Variants in OSBPL11 observed in about 807,000 individuals in gnomAD.
OSBPL11 encodes oxysterol binding protein like 11.
Under a neutral mutation model 84.4 loss-of-function variants are expected in OSBPL11, and 33 were observed. The ratio of observed to expected loss-of-function variants is 0.39; its 90% CI spans 0.30 to 0.52. The LOEUF is 0.52. Among genes scored for constraint, OSBPL11 ranks in the 20% least tolerant of loss-of-function variants. OSBPL11 has a pLI of 0.72. For synonymous variants in OSBPL11, 276 were observed against 310.2 expected, an observed-to-expected ratio of 0.89 and a Z score of 1.16; for missense variants, 736 against 901.1, an observed-to-expected ratio of 0.82 and a Z score of 2.35.
rs375600104 is a variant in OSBPL11, at chr3:125,552,630, T to C, written c.1205A>G (p.Tyr402Cys). 6.2e-7 allele frequency: 1 copy of C among 1,613,958 alleles called. No individual in the cohort carries two copies. The highest frequency in any genetic ancestry group is 8.5e-7 in the Non-Finnish European group (1 of 1,179,898). The change falls in exon 9 of 13, where the codon TAT (tyrosine) becomes TGT (cysteine). Residue 402 changes from tyrosine (Y) to cysteine (C), a missense_variant. This residue lies in a region of OSBPL11 where 579 missense variants were observed against 717.6 expected (regional missense o/e 0.81). Transcript: ENST00000296220. Reference protein sequence around the residue: ...ILEKRSLLEMYADFMSHPDLF... With the variant: ...ILEKRSLLEMCADFMSHPDLF... ...GTCTGGATGAGACATAAAGTCTGCATACATTTCCAGCAAGGAACGCTTCTC... is the reference window on the plus strand; with the variant it reads ...GTCTGGATGAGACATAAAGTCTGCACACATTTCCAGCAAGGAACGCTTCTC...
chr3:125,588,201 G>A (rs1272468128), intron 1 of OSBPL11, among the ~76,000 whole-genome samples: 4 of 144,812 alleles, frequency 2.8e-5, no homozygotes, highest in East Asian at 2.0e-4. Flanking sequence ...CAGGCTGGGC[G>A]TCAGAGTAAG....
Position 125,551,671 on chromosome 3 carries a change from G to GT in OSBPL11, c.1654+509dup, listed in dbSNP as rs199985926. Among the ~76,000 whole-genome samples, 1,323 of 152,112 alleles carry GT rather than the reference G, an allele frequency of 8.7e-3. 17 individuals are homozygous for GT. The highest frequency in any genetic ancestry group is 0.03 in the African/African-American group (1,238 of 41,506). Reference sequence around the variant, plus strand: ...GCAGGCGCCATAATCCCAGCTACTCGTGAGTCTGAGGCAGGAGAATCGCTT... The same window carrying GT: ...GCAGGCGCCATAATCCCAGCTACTCGTTGAGTCTGAGGCAGGAGAATCGCTT... On this transcript the variant is annotated intron_variant, in intron 9 of 12. Transcript: ENST00000296220.
At position 125,570,375 on chromosome 3, in the gene OSBPL11, T is replaced by C. The variant is rs143979764; in HGVS notation, c.667-2780A>G. Among the ~76,000 whole-genome samples the C allele has an allele frequency of 5.4e-5, 8 of 147,466 alleles. No homozygotes were observed. In the East Asian group the frequency reaches 1.4e-3, roughly 26 times the overall value. ...GAAAGAAAAAAGAAAAAATAAGCTG[T>C]GTGTGGTGGTGTGTGCCTGTAATCC... On this transcript the variant is annotated intron_variant, in intron 5 of 12. Transcript: ENST00000296220.
intron 5 of OSBPL11, among the ~76,000 whole-genome samples, chr3:125,575,904 C>G (rs1319621792): frequency 2.0e-5 from 3 of 150,858 alleles, no homozygotes; most frequent in Non-Finnish European, 4.4e-5. Flanking sequence ...GCTTAATTAC[C>G]CTTTTGATCA....
At chr3:125,591,865 T>C (rs1936599595) in intron 1 of OSBPL11, among the ~76,000 whole-genome samples, 1 of 152,104 alleles carries the variant, frequency 6.6e-6, no homozygotes, top group South Asian at 2.1e-4. Context: ...TAGCTGGGCA[T>C]GGTGGTGTAC....
At chr3:125,581,784 C>A (rs1028458162) in intron 2 of OSBPL11, among the ~76,000 whole-genome samples, 1 of 150,852 alleles carries the variant, frequency 6.6e-6, no homozygotes, top group Non-Finnish European at 1.5e-5. Flanking sequence ...ACCAGTCTGG[C>A]CAACATGGCA....
Position 125,552,764 on chromosome 3 carries a change from C to T in OSBPL11, c.1156-85G>A, listed in dbSNP as rs1935931990. The T allele has an allele frequency of 2.8e-6, 4 of 1,413,036 alleles. No homozygotes were observed. The South Asian group carries it at 5.5e-5, about 20-fold the overall frequency. The allele number at this position is 1,413,036 out of a possible 1,614,324, so 87.5% of individuals were successfully genotyped here. A position where few individuals can be genotyped will look rare whatever the true frequency, so the allele number is the denominator to read the frequency against. ...AACTATTCTCTCTCTGAAAACATTT[C>T]ATTCTAGATGGGTATTAAAAACAAA... On this transcript the variant is annotated intron_variant, in intron 8 of 12. Coordinates refer to ENST00000296220, the MANE Select transcript of OSBPL11 (RefSeq NM_022776.5).
At position 125,552,541 on chromosome 3, in the gene OSBPL11, A is replaced by G; in HGVS notation, c.1294T>C (p.Tyr432His). The change falls in exon 9 of 13, where the codon TAC (tyrosine) becomes CAC (histidine). Residue 432 changes from tyrosine (Y) to histidine (H), a missense_variant. Tyr to His is a moderately conservative substitution (Grantham distance 83). Coordinates refer to ENST00000296220, the MANE Select transcript of OSBPL11 (RefSeq NM_022776.5). ...CGGCCTTCATGAAATGAGGTAAGGT[A>G]GTACTCAACAAAGCGAATCATTCTG... Reference protein sequence around the residue: ...EDRMIRFVEYYLTSFHEGRKG... With the variant: ...EDRMIRFVEYHLTSFHEGRKG... 6.2e-7 allele frequency: 1 copy of G among 1,614,216 alleles called. No individual in the cohort carries two copies. The highest frequency in any genetic ancestry group is 8.5e-7 in the Non-Finnish European group (1 of 1,180,032).
intron 2 of OSBPL11, among the ~76,000 whole-genome samples, 200 bp from the exon 3 acceptor site, chr3:125,580,240 C>T (rs1415213324): frequency 4.6e-5 from 7 of 152,226 alleles, no homozygotes; most frequent in South Asian, 4.1e-4. Flanking sequence ...TTAGGCCAGG[C>T]GCAGTGGCTC....
intron 10 of OSBPL11, among the ~76,000 whole-genome samples, chr3:125,546,393 GTGCAACCTCAGCTCAC>G (rs755106437): frequency 6.6e-6 from 1 of 151,862 alleles, no homozygotes; most frequent in African/African-American, 2.4e-5. Flanking sequence ...GAGAGCAGTG[GTGCAACCTCAGCTCAC>G]TGCAACCTCT....
At chr3:125,584,816 A>G (rs1936482487) in intron 1 of OSBPL11, among the ~76,000 whole-genome samples, 1 of 152,228 alleles carries the variant, frequency 6.6e-6, no homozygotes, top group Non-Finnish European at 1.5e-5. Context: ...CTCTCATATT[A>G]CTGAAGGTAC....
intron 5 of OSBPL11, among the ~76,000 whole-genome samples, chr3:125,573,619 T>G (rs1439433297): frequency 6.6e-6 from 1 of 152,050 alleles, no homozygotes; most frequent in Admixed American, 6.6e-5. Context: ...TCCCAGCACT[T>G]TGGGAGGCCG....
chr3:125,569,246 G>A (rs939352015), intron 5 of OSBPL11, among the ~76,000 whole-genome samples: 2 of 152,042 alleles, frequency 1.3e-5, no homozygotes, highest in Non-Finnish European at 2.9e-5. Context: ...ACTGAGCCCA[G>A]CCCAGGTGAT....
intron 5 of OSBPL11, among the ~76,000 whole-genome samples, chr3:125,572,561 C>G (rs1395405267): frequency 1.3e-5 from 2 of 152,038 alleles, no homozygotes; most frequent in East Asian, 1.9e-4. Context: ...CCATGCTGTT[C>G]TTGTGATAGT....
chr3:125,546,880 C>T (rs1234384864), intron 10 of OSBPL11, among the ~76,000 whole-genome samples: 1 of 151,412 alleles, frequency 6.6e-6, no homozygotes, highest in East Asian at 1.9e-4. Flanking sequence ...GAGTGAGACT[C>T]TGTCTCAAAA....
At position 125,547,388 on chromosome 3, in the gene OSBPL11, T is replaced by C; in HGVS notation, c.1841+18A>G. On this transcript the variant is annotated intron_variant, in intron 10 of 12. Transcript: ENST00000296220. Reference sequence around the variant, plus strand: ...AAGTGGAAGAATAAGAACTAGATAATCATTAAAATGTTCTTACCGATGCAG... The same window carrying C: ...AAGTGGAAGAATAAGAACTAGATAACCATTAAAATGTTCTTACCGATGCAG... 1 of 1,598,356 alleles carries C rather than the reference T, an allele frequency of 6.3e-7. No individual in the cohort carries two copies. Among genetic ancestry groups the C allele is most frequent in the Non-Finnish European group, 8.6e-7 (1 of 1,169,164 alleles).
In OSBPL11 at chr3:125,529,997, T is replaced by TC. The variant is rs1217574207; in HGVS notation, c.*517_*518insG. On this transcript the variant is annotated 3_prime_UTR_variant, in exon 13 of 13. Coordinates refer to ENST00000296220, the MANE Select transcript of OSBPL11 (RefSeq NM_022776.5). ...CCTTGTTACCACAACCTGGTTGATT[T>TC]TTTTTTTTAAACACTGATTTCAGGC... is the stretch of plus-strand genomic sequence containing the variant. The TC allele has an allele frequency of 1.3e-5, 2 of 154,230 alleles. No homozygotes were observed. The highest frequency in any genetic ancestry group is 4.8e-5 in the African/African-American group (2 of 41,250). The allele number at this position is 154,230 out of a possible 1,614,324, so 9.6% of individuals were successfully genotyped here.
chr3:125,585,588 A>G (rs936143638), intron 1 of OSBPL11, among the ~76,000 whole-genome samples: 1 of 152,032 alleles, frequency 6.6e-6, no homozygotes, highest in Non-Finnish European at 1.5e-5. Flanking sequence ...ATTTGGTAGT[A>G]GCATAAAGTT....
At chr3:125,560,560 C>T in intron 7 of OSBPL11, 41 bp from the exon 8 acceptor site, 6 of 1,467,344 alleles carry the variant, frequency 4.1e-6, no homozygotes, top group Non-Finnish European at 5.5e-6. Flanking sequence ...TTTTAACTAC[C>T]TATTCATATC....
Sources: gnomAD v4.1 joint callset for allele counts (sites outside exome capture counted in the v4.1 genomes callset) on GRCh38, gnomAD v4.1.1 for gene constraint, gnomAD v4.1.1 regional missense constraint, MANE v1.5 for transcripts, NCBI Gene and HGNC (gene_info 2026-07-23, HGNC 2026-07-21) for gene names.